CEP112: variants seen among roughly 807,000 people sequenced by gnomAD.
CEP112 encodes the protein centrosomal protein 112, also known as centrosomal protein of 112 kDa.
A neutral mutation model predicts 153.0 loss-of-function variants in CEP112; 127 were observed. The ratio of observed to expected loss-of-function variants is 0.83; its 90% CI spans 0.72 to 0.96. The LOEUF (loss-of-function observed/expected upper bound fraction) is 0.96, where lower values mean the gene tolerates loss of function less well. Among genes scored for constraint, CEP112 ranks in the 40% least tolerant of loss-of-function variants. The pLI is 0.00. For synonymous variants in CEP112, 358 were observed against 374.4 expected (o/e 0.96, Z 0.51); for missense variants, 1,089 against 1,101.2 (o/e 0.99, Z 0.16).
rs116193842 is a variant in CEP112, at chr17:65,813,077, T to A, written c.2394+38727A>T. 5.2e-3 allele frequency among the ~76,000 whole-genome samples: 792 copies of A among 152,290 alleles called. 2 individuals are homozygous for A. The highest frequency in any genetic ancestry group is 0.018 in the African/African-American group (751 of 41,560). ...TGCATGAGTGAGCATTTCCTCTGAA[T>A]CCAGGTGACTAGCAGGGCATGATGG... On this transcript the variant is annotated intron_variant, in intron 21 of 26. Transcript: ENST00000535342.
intron 21 of CEP112, among the ~76,000 whole-genome samples, chr17:65,787,808 T>G (rs1288715663): frequency 6.6e-6 from 1 of 152,244 alleles, no homozygotes; most frequent in Non-Finnish European, 1.5e-5. Flanking sequence ...AATAGTTTAC[T>G]GATCCACTTA....
At chr17:66,120,456 C>A (rs986647672) in intron 6 of CEP112, among the ~76,000 whole-genome samples, 2 of 152,124 alleles carry the variant, frequency 1.3e-5, no homozygotes, top group African/African-American at 4.8e-5. Context: ...CCACCTTGGC[C>A]TCCCAAAGTG....
chr17:65,918,978 C>A (rs917475174), intron 19 of CEP112, among the ~76,000 whole-genome samples: 1 of 152,196 alleles, frequency 6.6e-6, no homozygotes. Flanking sequence ...CAAGTCCATT[C>A]ATTCCCTCTG....
At chr17:65,875,539 A>AT (rs1269176158) in intron 20 of CEP112, among the ~76,000 whole-genome samples, 19 of 152,170 alleles carry the variant, frequency 1.2e-4, no homozygotes, top group African/African-American at 4.3e-4. Flanking sequence ...ATTTTCTGCT[A>AT]TAAAAAATAT....
chr17:66,161,382 C>T (rs529396477), intron 4 of CEP112, among the ~76,000 whole-genome samples: 12 of 152,216 alleles, frequency 7.9e-5, no homozygotes, highest in Non-Finnish European at 1.6e-4. Flanking sequence ...TACATGCACA[C>T]GTATGTTTAT....
At chr17:65,654,654 C>T (rs4791146) in intron 24 of CEP112, among the ~76,000 whole-genome samples, 72,842 of 152,038 alleles carry the variant, frequency 0.48, 17,725 homozygotes, top group African/African-American at 0.55. Context: ...TCAAACCTAG[C>T]ACTTTAATTA....
chr17:65,819,171 A>G (rs1472638263), intron 21 of CEP112, among the ~76,000 whole-genome samples: 1 of 151,940 alleles, frequency 6.6e-6, no homozygotes, highest in African/African-American at 2.4e-5. Flanking sequence ...TAGGTCCTTC[A>G]GCAGAATTTA....
At chr17:65,691,680 G>A (rs1209838615) in intron 23 of CEP112, among the ~76,000 whole-genome samples, 1 of 152,174 alleles carries the variant, frequency 6.6e-6, no homozygotes, top group Non-Finnish European at 1.5e-5. Flanking sequence ...TAGTTCCTGT[G>A]CTTGTTGATG....
At chr17:66,078,301 C>T (rs1228482305) in intron 8 of CEP112, among the ~76,000 whole-genome samples, 1 of 149,748 alleles carries the variant, frequency 6.7e-6, no homozygotes, top group Non-Finnish European at 1.5e-5. Context: ...ACTCTGTTCC[C>T]ATGCTGAAGT....
At chr17:65,860,814 T>C (rs1348468391) in intron 20 of CEP112, among the ~76,000 whole-genome samples, 2 of 152,222 alleles carry the variant, frequency 1.3e-5, no homozygotes, top group African/African-American at 4.8e-5. Context: ...TGAATGTTCA[T>C]AGCAGCAATT....
intron 4 of CEP112, among the ~76,000 whole-genome samples, chr17:66,164,568 A>C (rs1393358485): frequency 2.7e-5 from 4 of 146,796 alleles, no homozygotes; most frequent in African/African-American, 1.0e-4. Context: ...AAAAAAAAAA[A>C]AAAAAAATGG....
chr17:65,731,595 C>T (rs982777955), intron 23 of CEP112, among the ~76,000 whole-genome samples: 13 of 152,138 alleles, frequency 8.5e-5, no homozygotes, highest in African/African-American at 1.4e-4. Flanking sequence ...CTTGCTTTCA[C>T]GGAAGATTTC....
At chr17:65,870,691 G>A (rs1361255815) in intron 20 of CEP112, among the ~76,000 whole-genome samples, 1 of 152,116 alleles carries the variant, frequency 6.6e-6, no homozygotes, top group African/African-American at 2.4e-5. Context: ...AACTCACTCT[G>A]GTGCAACATC....
At chr17:65,771,911 C>T (rs916310581) in intron 21 of CEP112, among the ~76,000 whole-genome samples, 1 of 151,638 alleles carries the variant, frequency 6.6e-6, no homozygotes, top group Non-Finnish European at 1.5e-5. Context: ...TTCCTAGCTA[C>T]TTGGGAGTTG....
rs1043144668 is a variant in CEP112, at chr17:65,835,195, A to G, written c.2394+16609T>C. 6.0e-3 allele frequency among the ~76,000 whole-genome samples: 452 copies of G among 75,878 alleles called. 2 individuals are homozygous for G. The highest frequency in any genetic ancestry group is 0.014 in the African/African-American group (428 of 31,392). The allele number at this position is 75,878 out of a possible 152,430, so 49.8% of individuals were successfully genotyped here. On this transcript the variant is annotated intron_variant, in intron 21 of 26. Coordinates refer to ENST00000535342, the MANE Select transcript of CEP112 (RefSeq NM_001199165.4). ...TACCCCCAAACCCAAAATAAAAGTA[A>G]AAAAAAAAAAAAAAAGACTTAATAG...
chr17:65,742,937 G>T, intron 23 of CEP112, 131 bp downstream of exon 23: 2 of 643,478 alleles, frequency 3.1e-6, no homozygotes, highest in Non-Finnish European at 2.5e-6. Context: ...AGAGTCCAGT[G>T]AATGGAATTA....
chr17:65,673,903 G>C (rs2047100882), intron 24 of CEP112, among the ~76,000 whole-genome samples: 1 of 152,106 alleles, frequency 6.6e-6, no homozygotes, highest in Non-Finnish European at 1.5e-5. Flanking sequence ...TGGAGTTGGA[G>C]TGTCACTCCA....
chr17:66,076,563 G>A (rs1431109567), intron 8 of CEP112, among the ~76,000 whole-genome samples: 1 of 152,096 alleles, frequency 6.6e-6, no homozygotes, highest in East Asian at 1.9e-4. Context: ...GCTGCCCAAG[G>A]AGAGTCTGAG....
intron 8 of CEP112, among the ~76,000 whole-genome samples, chr17:66,094,095 T>C (rs1429565076): frequency 6.6e-6 from 1 of 152,180 alleles, no homozygotes; most frequent in Non-Finnish European, 1.5e-5. Flanking sequence ...AGTCTTGCTC[T>C]GTCACCCAGG....
Sources: gnomAD v4.1 joint callset for allele counts (sites outside exome capture counted in the v4.1 genomes callset) on GRCh38, gnomAD v4.1.1 for gene constraint, MANE v1.5 for transcripts, NCBI Gene and HGNC (gene_info 2026-07-23, HGNC 2026-07-21) for gene names.